The following STIM2 variants were observed in gnomAD, a reference collection of about 807,000 sequenced individuals.
STIM2 encodes the protein stromal interaction molecule 2.
STIM2 carries 31 observed loss-of-function variants against 85.8 expected under a neutral mutation model. The observed-to-expected ratio is 0.36, with a 90% CI of 0.27 to 0.49. STIM2 has a LOEUF of 0.49. Ranked by LOEUF, STIM2 falls within the 20% of genes least tolerant of loss-of-function variation. The probability of loss-of-function intolerance (pLI) is 0.98; values close to 1 mark genes in which losing one functional copy is unlikely to be tolerated. For missense variants in STIM2, 841 were observed against 927.6 expected, an observed-to-expected ratio of 0.91 and a Z score of 1.21; for synonymous variants, 356 against 331.1, an observed-to-expected ratio of 1.08 and a Z score of -0.82.
intron 3 of STIM2, among the ~76,000 whole-genome samples, chr4:26,975,648 G>C (rs1325955535): frequency 1.3e-5 from 2 of 152,288 alleles, no homozygotes; most frequent in African/African-American, 4.8e-5. Context: ...GAGCAGCCGC[G>C]TATATGAGGT....
At chr4:26,977,692 G>A (rs190626491) in intron 3 of STIM2, among the ~76,000 whole-genome samples, 1 of 152,230 alleles carries the variant, frequency 6.6e-6, no homozygotes, top group East Asian at 1.9e-4. Context: ...GTTTTATGTG[G>A]CATTGAAATT....
chr4:26,908,022 C>T (rs1348630235), intron 1 of STIM2, among the ~76,000 whole-genome samples: 1 of 152,156 alleles, frequency 6.6e-6, no homozygotes, highest in Admixed American at 6.5e-5. Context: ...TGGGACTCTG[C>T]TTCTCAGTTG....
Position 26,868,761 on chromosome 4 carries a change from C to T in STIM2, c.151+7392C>T, listed in dbSNP as rs79907579. On this transcript the variant is annotated intron_variant, in intron 1 of 11. Coordinates refer to ENST00000467087, the MANE Select transcript of STIM2 (RefSeq NM_020860.4). Reference sequence around the variant, plus strand: ...TCTTTATTCCTATTGTCCAGCAATACATCTCTAACGTTTTCATTAATGACG... The same window carrying T: ...TCTTTATTCCTATTGTCCAGCAATATATCTCTAACGTTTTCATTAATGACG... Among the ~76,000 whole-genome samples, 567 of 152,136 alleles carry T rather than the reference C, an allele frequency of 3.7e-3. 3 individuals carry two copies. Among genetic ancestry groups the T allele is most frequent in the African/African-American group, 0.013 (547 of 41,478 alleles).
At chr4:26,920,461 T>G (rs1392275434) in intron 2 of STIM2, among the ~76,000 whole-genome samples, 1 of 152,174 alleles carries the variant, frequency 6.6e-6, no homozygotes, top group Non-Finnish European at 1.5e-5. Flanking sequence ...CTTCTTTGAG[T>G]GTTGTCTCAT....
intron 9 of STIM2, 102 bp downstream of exon 9, chr4:27,008,630 A>G: frequency 3.6e-6 from 4 of 1,121,874 alleles, no homozygotes; most frequent in Non-Finnish European, 5.1e-6. Flanking sequence ...TACATAATTT[A>G]CATTAGTTTT....
chr4:27,018,731 G>A (rs970359216), intron 11 of STIM2, among the ~76,000 whole-genome samples: 9 of 152,174 alleles, frequency 5.9e-5, no homozygotes, highest in African/African-American at 2.2e-4. Flanking sequence ...CACTGGACAC[G>A]GTTGACTCAG....
chr4:26,879,735 T>C (rs902797619), intron 1 of STIM2, among the ~76,000 whole-genome samples: 2 of 152,216 alleles, frequency 1.3e-5, no homozygotes, highest in Admixed American at 6.5e-5. Context: ...TATGTAACTA[T>C]TCCTTGTCAT....
chr4:26,885,353 C>A lies in STIM2; in HGVS notation c.151+23984C>A, dbSNP rs73811397. The stretch of plus-strand genomic sequence containing the variant: ...ATAATGTTGCCTTTACCCAGAAGTC[C>A]TTCATGTCCTCTTGAAATCAGTATG... On this transcript the variant is annotated intron_variant, in intron 1 of 11. Transcript: ENST00000467087. 3.8e-3 allele frequency among the ~76,000 whole-genome samples: 578 copies of A among 152,224 alleles called. 5 individuals carry two copies. Among genetic ancestry groups the A allele is most frequent in the African/African-American group, 0.013 (543 of 41,528 alleles).
intron 1 of STIM2, among the ~76,000 whole-genome samples, chr4:26,900,049 G>A (rs887020699): frequency 6.6e-6 from 1 of 152,090 alleles, no homozygotes; most frequent in Non-Finnish European, 1.5e-5. Flanking sequence ...AACCATAAAC[G>A]GAAAGTTTTG....
chr4:26,882,947 C>T (rs572420771), intron 1 of STIM2, among the ~76,000 whole-genome samples: 21 of 151,926 alleles, frequency 1.4e-4, no homozygotes, highest in African/African-American at 1.9e-4. Context: ...AAGTGATTCT[C>T]ATGCCTCAGC....
rs548113354 is a variant in STIM2 at position 26,860,980 on chromosome 4, C to T, written c.-239C>T. On this transcript the variant is annotated 5_prime_UTR_variant, in exon 1 of 12. Transcript: ENST00000467087. ...CCAATGAACGCAGCCGGGATCAGAGCTCCGGAGGCCGCCGGTGCCGATGGG... is the reference window on the plus strand; with the variant it reads ...CCAATGAACGCAGCCGGGATCAGAGTTCCGGAGGCCGCCGGTGCCGATGGG... 1.3e-3 allele frequency: 1,691 copies of T among 1,281,494 alleles called. 1 individual carries two copies. The highest frequency in any genetic ancestry group is 1.5e-3 in the Non-Finnish European group (1,474 of 1,003,274). 79.4% of individuals were successfully genotyped at this position (1,281,494 alleles called of 1,614,324 possible).
At chr4:26,889,950 T>C (rs960996482) in intron 1 of STIM2, among the ~76,000 whole-genome samples, 1 of 152,252 alleles carries the variant, frequency 6.6e-6, no homozygotes, top group African/African-American at 2.4e-5. Context: ...TTCCCAATTA[T>C]GTCCTTCCAA....
intron 1 of STIM2, among the ~76,000 whole-genome samples, chr4:26,887,182 ACTT>A (rs1723282849): frequency 8.5e-6 from 1 of 117,112 alleles, no homozygotes; most frequent in African/African-American, 3.1e-5. Context: ...AAATAATTAA[ACTT>A]TTTTTTTTTT....
intron 1 of STIM2, among the ~76,000 whole-genome samples, chr4:26,917,120 G>A (rs1245525602): frequency 1.3e-5 from 2 of 152,122 alleles, no homozygotes; most frequent in Non-Finnish European, 2.9e-5. Flanking sequence ...TCTTAGTTGT[G>A]TGGACAAAAA....
intron 2 of STIM2, 42 bp from the exon 3 acceptor site, chr4:26,957,570 G>A (rs1412750949): frequency 2.6e-6 from 3 of 1,150,714 alleles, no homozygotes; most frequent in Non-Finnish European, 3.6e-6. Context: ...TCAAGACTAA[G>A]GTAATGAATT....
chr4:27,003,808 C>T (rs1019392172), intron 7 of STIM2, among the ~76,000 whole-genome samples: 3 of 152,198 alleles, frequency 2.0e-5, no homozygotes, highest in Admixed American at 1.3e-4. Flanking sequence ...TAGGGGAGGA[C>T]GTGTTTCCTT....
chr4:27,021,241 CT>C (rs1057116432), intron 11 of STIM2: 4 of 574,488 alleles, frequency 7.0e-6, no homozygotes, highest in Admixed American at 6.1e-5. Context: ...TTATTTATTT[CT>C]TTTTTTCTGG....
intron 2 of STIM2, among the ~76,000 whole-genome samples, chr4:26,937,932 G>A (rs1017448827): frequency 3.3e-5 from 5 of 152,052 alleles, no homozygotes; most frequent in East Asian, 1.9e-4. Context: ...CTAACATGAC[G>A]GAAACACTCA....
At chr4:26,900,458 G>T (rs566770917) in intron 1 of STIM2, among the ~76,000 whole-genome samples, 1 of 151,948 alleles carries the variant, frequency 6.6e-6, no homozygotes, top group Non-Finnish European at 1.5e-5. Flanking sequence ...TTTTTTTCCC[G>T]CTCAGAATCT....
Sources: gnomAD v4.1 joint callset for allele counts (sites outside exome capture counted in the v4.1 genomes callset) on GRCh38, gnomAD v4.1.1 for gene constraint, MANE v1.5 for transcripts, NCBI Gene and HGNC (gene_info 2026-07-23, HGNC 2026-07-21) for gene names.